The following CTNNA3 variants were observed in gnomAD, a reference collection of about 807,000 sequenced individuals.
CTNNA3 encodes catenin alpha 3, also known as catenin alpha-3.
In CTNNA3, 76 loss-of-function variants were observed where a neutral mutation model predicts 95.7. The observed-to-expected ratio is 0.79, with a 90% CI of 0.66 to 0.96. The LOEUF (loss-of-function observed/expected upper bound fraction) is 0.96. Ranked by LOEUF, CTNNA3 falls within the 40% of genes least tolerant of loss-of-function variation. The probability of loss-of-function intolerance (pLI) is 0.00; values close to 1 mark genes in which losing one functional copy is unlikely to be tolerated. For synonymous variants in CTNNA3, 431 were observed against 374.4 expected, an observed-to-expected ratio of 1.15 and a Z score of -1.74; for missense variants, 1,191 against 1,089.8, an observed-to-expected ratio of 1.09 and a Z score of -1.31.
intron 3 of CTNNA3, among the ~76,000 whole-genome samples, chr10:67,547,292 T>G (rs1452280433): frequency 6.6e-6 from 1 of 152,174 alleles, no homozygotes; most frequent in Non-Finnish European, 1.5e-5. Context: ...TTAAAAGTTC[T>G]CTGAGAAAAA....
At chr10:66,636,689 T>C (rs1005577017) in intron 9 of CTNNA3, among the ~76,000 whole-genome samples, 1 of 152,176 alleles carries the variant, frequency 6.6e-6, no homozygotes, top group Non-Finnish European at 1.5e-5. Flanking sequence ...GTCTTCTCTA[T>C]ACTTATTTAT....
At chr10:66,788,815 C>T (rs1052141271) in intron 7 of CTNNA3, among the ~76,000 whole-genome samples, 1 of 152,136 alleles carries the variant, frequency 6.6e-6, no homozygotes, top group African/African-American at 2.4e-5. Context: ...ACTCAGGGCC[C>T]TTTCACACTC....
intron 15 of CTNNA3, among the ~76,000 whole-genome samples, chr10:66,023,609 A>G (rs552806831): frequency 6.6e-6 from 1 of 152,330 alleles, no homozygotes; most frequent in Non-Finnish European, 1.5e-5. Context: ...TTATACTTTA[A>G]AAGTACCAGC....
chr10:66,943,165 G>A lies in CTNNA3; in HGVS notation c.1048-167641C>T, dbSNP rs528752988. On this transcript the variant is annotated intron_variant, in intron 7 of 17. Transcript: ENST00000433211. ...TTCACTGGAGACATGAAAATAATTC[G>A]TTCTTTTTAAAGACTTTGAAAAGAG... Among the ~76,000 whole-genome samples, 5 of 152,196 alleles carry A rather than the reference G, an allele frequency of 3.3e-5. No homozygotes were observed. In the South Asian group the frequency reaches 6.2e-4, roughly 19 times the overall value.
intron 7 of CTNNA3, among the ~76,000 whole-genome samples, chr10:66,830,764 C>T (rs1842690592): frequency 6.6e-6 from 1 of 152,102 alleles, no homozygotes; most frequent in African/African-American, 2.4e-5. Context: ...CGCCCGCCAT[C>T]ACGCCCGGCT....
At chr10:67,410,845 T>C (rs1845339105) in intron 5 of CTNNA3, among the ~76,000 whole-genome samples, 1 of 152,114 alleles carries the variant, frequency 6.6e-6, no homozygotes, top group African/African-American at 2.4e-5. Flanking sequence ...GTGTTATATA[T>C]ACACAGGGGG....
chr10:66,359,853 G>T (rs1244518555), intron 12 of CTNNA3, among the ~76,000 whole-genome samples: 1 of 147,794 alleles, frequency 6.8e-6, no homozygotes, highest in African/African-American at 2.5e-5. Context: ...TTTGAGATGG[G>T]TCTCCCTCTG....
intron 5 of CTNNA3, among the ~76,000 whole-genome samples, chr10:67,253,023 T>C (rs1866169728): frequency 6.6e-6 from 1 of 152,154 alleles, no homozygotes; most frequent in Non-Finnish European, 1.5e-5. Flanking sequence ...TTTTTTTCCT[T>C]ACTAATTCAA....
chr10:67,410,414 T>C (rs1845318841), intron 5 of CTNNA3, among the ~76,000 whole-genome samples: 1 of 152,074 alleles, frequency 6.6e-6, no homozygotes, highest in Admixed American at 6.6e-5. Context: ...CTGGGCTTAA[T>C]ACCTGGGTGG....
intron 9 of CTNNA3, among the ~76,000 whole-genome samples, chr10:66,633,994 G>C (rs1164904763): frequency 6.6e-6 from 1 of 152,136 alleles, no homozygotes; most frequent in Admixed American, 6.5e-5. Context: ...TCTCATTTAT[G>C]AAAGATGGTA....
chr10:67,284,753 A>T (rs1839529727), intron 5 of CTNNA3, among the ~76,000 whole-genome samples: 1 of 152,240 alleles, frequency 6.6e-6, no homozygotes, highest in Admixed American at 6.5e-5. Context: ...TTAAAATGTT[A>T]TAACCAATGG....
intron 6 of CTNNA3, among the ~76,000 whole-genome samples, chr10:67,205,142 A>G (rs1161828811): frequency 2.0e-5 from 3 of 152,190 alleles, no homozygotes; most frequent in African/African-American, 7.2e-5. Flanking sequence ...TAACATTTAA[A>G]CTATAAACTA....
intron 10 of CTNNA3, among the ~76,000 whole-genome samples, chr10:66,565,767 C>T (rs1842685129): frequency 6.6e-6 from 1 of 152,166 alleles, no homozygotes; most frequent in Admixed American, 6.5e-5. Context: ...CTCTGAGCTC[C>T]TTCCTCTCAT....
At chr10:66,422,442 G>A (rs2093203470) in intron 11 of CTNNA3, among the ~76,000 whole-genome samples, 1 of 151,894 alleles carries the variant, frequency 6.6e-6, no homozygotes, top group Non-Finnish European at 1.5e-5. Flanking sequence ...ATCATGATTT[G>A]TTTCTAACAA....
intron 11 of CTNNA3, among the ~76,000 whole-genome samples, chr10:66,423,470 C>G (rs1422461949): frequency 2.0e-5 from 3 of 152,148 alleles, no homozygotes; most frequent in Admixed American, 2.0e-4. Context: ...TCAAAAACCA[C>G]CTAAATCCAA....
At chr10:66,526,098 T>A (rs2132035721) in intron 10 of CTNNA3, among the ~76,000 whole-genome samples, 1 of 152,294 alleles carries the variant, frequency 6.6e-6, no homozygotes, top group Admixed American at 6.5e-5. Context: ...TTGTGAATAA[T>A]GCTGTTATGA....
chr10:66,317,775 G>C (rs888931388), intron 12 of CTNNA3, among the ~76,000 whole-genome samples: 3 of 151,990 alleles, frequency 2.0e-5, no homozygotes, highest in African/African-American at 7.2e-5. Flanking sequence ...AGGAATGCAT[G>C]GTGATTTATT....
At chr10:67,014,452 G>C (rs990497163) in intron 7 of CTNNA3, among the ~76,000 whole-genome samples, 6 of 152,236 alleles carry the variant, frequency 3.9e-5, no homozygotes, top group Non-Finnish European at 7.4e-5. Context: ...CCCAGGTGGT[G>C]CCTGTTTGTA....
intron 1 of CTNNA3, among the ~76,000 whole-genome samples, chr10:67,702,732 C>G (rs1359433465): frequency 6.6e-6 from 1 of 152,004 alleles, no homozygotes; most frequent in Non-Finnish European, 1.5e-5. Flanking sequence ...AAAGCAAGAC[C>G]AAACACATTC....
Sources: gnomAD v4.1 joint callset for allele counts (sites outside exome capture counted in the v4.1 genomes callset) on GRCh38, gnomAD v4.1.1 for gene constraint, MANE v1.5 for transcripts, NCBI Gene and HGNC (gene_info 2026-07-23, HGNC 2026-07-21) for gene names.